KLRG1: variants seen among roughly 807,000 people sequenced by gnomAD.
KLRG1 encodes the protein killer cell lectin like receptor G1.
Under a neutral mutation model 21.8 loss-of-function variants are expected in KLRG1, and 16 were observed. The observed-to-expected ratio is 0.73, with a 90% CI of 0.50 to 1.11. The LOEUF is 1.11. KLRG1 is among the 50% of genes most tolerant of loss of function. The pLI is 0.00. For synonymous variants in KLRG1, 69 were observed against 75.9 expected (o/e 0.91, Z 0.47); for missense variants, 173 against 218.3 (o/e 0.79, Z 1.31).
the KLRG1 span, chr12:9,101,700 T>A: frequency 6.6e-7 from 1 of 1,516,216 alleles, no homozygotes; most frequent in African/African-American, 1.4e-5. Flanking sequence ...AATTATATTA[T>A]TTTTAGATTA....
upstream of KLRG1, among the ~76,000 whole-genome samples, chr12:8,988,654 C>T (rs953880107): frequency 6.6e-6 from 1 of 152,134 alleles, no homozygotes; most frequent in East Asian, 1.9e-4. Context: ...AGTCTCGGCT[C>T]GCTGCAACCT....
the KLRG1 span, chr12:9,180,943 G>T: frequency 6.3e-7 from 1 of 1,586,814 alleles, no homozygotes; most frequent in South Asian, 1.2e-5. Flanking sequence ...TGAGCCTCTG[G>T]AATGGCCCTT....
At chr12:9,139,028 T>C in the KLRG1 span, among the ~76,000 whole-genome samples, 1 of 152,086 alleles carries the variant, frequency 6.6e-6, no homozygotes, top group Non-Finnish European at 1.5e-5. Flanking sequence ...GGGTTGATTA[T>C]TTTAGATCTT....
At chr12:8,986,291 T>G (rs1457722364), upstream of KLRG1, among the ~76,000 whole-genome samples, 1 of 152,220 alleles carries the variant, frequency 6.6e-6, no homozygotes, top group Admixed American at 6.5e-5. Flanking sequence ...ACTATTTCCT[T>G]TTATCCATAG....
At chr12:9,176,242 G>A in the KLRG1 span, among the ~76,000 whole-genome samples, 1 of 152,190 alleles carries the variant, frequency 6.6e-6, no homozygotes, top group African/African-American at 2.4e-5. Flanking sequence ...TCACTTATGA[G>A]TGGGAGCTGA....
the KLRG1 span, chr12:9,196,426 A>G: frequency 1.2e-6 from 2 of 1,612,074 alleles, no homozygotes; most frequent in Admixed American, 1.7e-5. Context: ...TCCTGTTTGC[A>G]GTGACTTCCA....
chr12:9,027,411 T>A, the KLRG1 span: 1 of 559,566 alleles, frequency 1.8e-6, no homozygotes, highest in South Asian at 1.6e-5. Context: ...AAACATGTCT[T>A]CTTTGTAGCA....
At position 8,989,709 on chromosome 12, in the gene KLRG1, A is replaced by G. The variant is rs200895257; in HGVS notation, c.74A>G (p.Gln25Arg). ...ATQAQNDYGP[Q>R]QKSSSSRPSC... is the part of the protein sequence containing the mutation. Reference sequence around the variant, plus strand: ...CAAGCCCAGAATGACTATGGACCACAGCAAAAATGTGAGTTAACCAAGGTA... The same window carrying G: ...CAAGCCCAGAATGACTATGGACCACGGCAAAAATGTGAGTTAACCAAGGTA... Residue 25 changes from glutamine to arginine, a missense_variant, in exon 1 of 5, where the codon CAG becomes CGG. Gln to Arg is a conservative substitution (Grantham distance 43, BLOSUM62 1). This residue lies in a region of KLRG1 where 144 missense variants were observed against 161.5 expected (regional missense o/e 0.89). Coordinates refer to ENST00000356986, the MANE Select transcript of KLRG1 (RefSeq NM_005810.4). The G allele has an allele frequency of 1.1e-4, 179 of 1,600,084 alleles. 1 individual carries two copies. The highest frequency in any genetic ancestry group is 8.3e-4 in the Middle Eastern group (5 of 6,036).
the KLRG1 span, among the ~76,000 whole-genome samples, chr12:9,052,256 A>G: frequency 6.6e-6 from 1 of 152,050 alleles, no homozygotes; most frequent in Non-Finnish European, 1.5e-5. Context: ...TTCTTTCTCT[A>G]CTCTGGGAAG....
the KLRG1 span, among the ~76,000 whole-genome samples, chr12:9,148,035 C>T: frequency 6.6e-6 from 1 of 151,942 alleles, no homozygotes; most frequent in African/African-American, 2.4e-5. Flanking sequence ...ATTAACTACT[C>T]TCATGCCATT....
At chr12:9,181,416 A>C in the KLRG1 span, among the ~76,000 whole-genome samples, 3 of 152,228 alleles carry the variant, frequency 2.0e-5, no homozygotes, top group Non-Finnish European at 4.4e-5. Context: ...ATTTTATAAC[A>C]AGCTTACCTA....
the KLRG1 span, chr12:9,068,128 G>A: frequency 6.3e-7 from 1 of 1,581,044 alleles, no homozygotes; most frequent in Non-Finnish European, 8.6e-7. Flanking sequence ...GAGAAGGTTT[G>A]GGGGGCAAGC....
chr12:9,148,330 C>T, the KLRG1 span, among the ~76,000 whole-genome samples: 1 of 152,078 alleles, frequency 6.6e-6, no homozygotes, highest in Admixed American at 6.6e-5. Flanking sequence ...GCAGGTTACT[C>T]CCCTTTTATT....
chr12:9,079,233 T>C, the KLRG1 span: 11 of 1,611,046 alleles, frequency 6.8e-6, no homozygotes, highest in African/African-American at 1.5e-4. Flanking sequence ...AAAAAATTGT[T>C]CTTTCCTTAC....
the KLRG1 span, among the ~76,000 whole-genome samples, chr12:9,176,308 G>A: frequency 6.6e-6 from 1 of 152,208 alleles, no homozygotes; most frequent in African/African-American, 2.4e-5. Context: ...AAGGTAGGGT[G>A]TGGGGAGGGA....
At chr12:9,109,892 C>T in the KLRG1 span, 5 of 1,610,280 alleles carry the variant, frequency 3.1e-6, no homozygotes, top group African/African-American at 2.7e-5. Context: ...TGAAAGGGTG[C>T]TCTGTCCTTC....
chr12:9,090,439 G>A, the KLRG1 span: 1 of 1,613,840 alleles, frequency 6.2e-7, no homozygotes, highest in African/African-American at 1.3e-5. Context: ...CTTCTCCACT[G>A]GGACAGCTAG....
At chr12:9,081,934 C>G in the KLRG1 span, among the ~76,000 whole-genome samples, 1 of 152,214 alleles carries the variant, frequency 6.6e-6, no homozygotes, top group Admixed American at 6.5e-5. Flanking sequence ...CTGCATAGCC[C>G]ATCTGCAAAA....
intron 1 of KLRG1, among the ~76,000 whole-genome samples, chr12:8,969,805 A>T (rs1030021568): frequency 3.9e-5 from 6 of 152,184 alleles, no homozygotes; most frequent in African/African-American, 1.2e-4. Flanking sequence ...ATCACTATAG[A>T]TTCTAAGCCA....
Sources: gnomAD v4.1 joint callset for allele counts (sites outside exome capture counted in the v4.1 genomes callset) on GRCh38, gnomAD v4.1.1 for gene constraint, gnomAD v4.1.1 regional missense constraint, MANE v1.5 for transcripts, NCBI Gene and HGNC (gene_info 2026-07-23, HGNC 2026-07-21) for gene names.